Variants in SGPP1 observed in about 807,000 individuals in gnomAD.
SGPP1 encodes hSPP1.
Under a neutral mutation model 33.0 loss-of-function variants are expected in SGPP1, and 21 were observed. That is an observed-to-expected ratio of 0.64 (90% CI 0.45 to 0.92). The LOEUF (loss-of-function observed/expected upper bound fraction) is 0.92. Among genes scored for constraint, SGPP1 ranks in the 40% least tolerant of loss-of-function variants. SGPP1 has a pLI of 0.00. For missense variants in SGPP1, 543 were observed against 589.4 expected, an observed-to-expected ratio of 0.92 and a Z score of 0.81; for synonymous variants, 239 against 241.2, an observed-to-expected ratio of 0.99 and a Z score of 0.08.
At position 63,727,453 on chromosome 14, in the gene SGPP1, C is replaced by T; in HGVS notation, c.492G>A (p.Val164=). The T allele has an allele frequency of 1.9e-6, 3 of 1,614,032 alleles. No homozygotes were observed. Among genetic ancestry groups the T allele is most frequent in the Non-Finnish European group, 2.5e-6 (3 of 1,180,042 alleles). ...NLDPLVGRRL[V]VIWVLVMYLG... ...GGTACATGACCAGCACCCAGATGAC[C>T]ACGAGCCTCCGGCCCACCAGAGGGT... is the stretch of plus-strand genomic sequence containing the variant. The change falls in exon 1 of 3, where the codon GTG becomes GTA. Residue 164 remains valine, a synonymous_variant. Transcript: ENST00000247225.
intron 2 of SGPP1, among the ~76,000 whole-genome samples, chr14:63,693,113 T>A (rs1885119190): frequency 6.6e-6 from 1 of 152,188 alleles, no homozygotes; most frequent in South Asian, 2.1e-4. Context: ...TATTTTTTTT[T>A]ATAAAGACAG....
In SGPP1 at chr14:63,701,761, A is replaced by G. The variant is rs551996591; in HGVS notation, c.685-3103T>C. On this transcript the variant is annotated intron_variant, in intron 1 of 2. Transcript: ENST00000247225. ...AGTAAAGCTGCTATGTAGAGATTAA[A>G]TTTTAAGAGAGTAAGGCAAAAACAG... 3.3e-5 allele frequency among the ~76,000 whole-genome samples: 5 copies of G among 152,266 alleles called. No individual in the cohort carries two copies. In the South Asian group the frequency reaches 6.2e-4, roughly 19 times the overall value.
chr14:63,705,090 G>A (rs1182647350), intron 1 of SGPP1, among the ~76,000 whole-genome samples: 1 of 151,696 alleles, frequency 6.6e-6, no homozygotes, highest in African/African-American at 2.4e-5. Flanking sequence ...TCGTGCCATT[G>A]CACTCCTGCG....
chr14:63,700,733 C>T (rs898872606), intron 1 of SGPP1, among the ~76,000 whole-genome samples: 1 of 152,090 alleles, frequency 6.6e-6, no homozygotes, highest in Non-Finnish European at 1.5e-5. Context: ...ATTAATATTC[C>T]TTGTGCTCCT....
At chr14:63,716,626 GAGGCTCTTGGGTTTA>G (rs1885632998) in intron 1 of SGPP1, among the ~76,000 whole-genome samples, 1 of 151,984 alleles carries the variant, frequency 6.6e-6, no homozygotes, top group Non-Finnish European at 1.5e-5. Context: ...CCAAGAGTTC[GAGGCTCTTGGGTTTA>G]AGATCTCACA....
At chr14:63,702,105 A>AGGTGAAGGTAGGAC in intron 1 of SGPP1, among the ~76,000 whole-genome samples, 2 of 152,214 alleles carry the variant, frequency 1.3e-5, no homozygotes, top group Admixed American at 1.3e-4. Flanking sequence ...CAGAAGCTAG[A>AGGTGAAGGTAGGAC]GGTGAAGGTA....
At chr14:63,721,740 ATTC>A (rs1885774955) in intron 1 of SGPP1, among the ~76,000 whole-genome samples, 1 of 152,184 alleles carries the variant, frequency 6.6e-6, no homozygotes, top group South Asian at 2.1e-4. Flanking sequence ...TTGACAGAAT[ATTC>A]TTATGTGTCT....
chr14:63,697,393 A>T (rs1422761939), intron 2 of SGPP1, among the ~76,000 whole-genome samples: 1 of 152,218 alleles, frequency 6.6e-6, no homozygotes, highest in Non-Finnish European at 1.5e-5. Context: ...AAATGGTAAC[A>T]TGTTAAGGAC....
intron 1 of SGPP1, among the ~76,000 whole-genome samples, chr14:63,726,735 C>T (rs1181678216): frequency 6.6e-6 from 1 of 152,188 alleles, no homozygotes; most frequent in Non-Finnish European, 1.5e-5. Context: ...ATAAAGGGAA[C>T]TTCGATGAAA....
intron 1 of SGPP1, among the ~76,000 whole-genome samples, chr14:63,720,841 C>G (rs1159272518): frequency 6.6e-6 from 1 of 152,160 alleles, no homozygotes; most frequent in Non-Finnish European, 1.5e-5. Flanking sequence ...CAAGAGATGT[C>G]TAACACTGAA....
rs1885924403 is a variant in SGPP1 at position 63,727,850 on chromosome 14, G to A, written c.95C>T (p.Pro32Leu). Residue 32 changes from proline to leucine, a missense_variant, in exon 1 of 3, where the codon CCG (proline) becomes CTG (leucine). Physicochemically the swap from Pro to Leu is moderately conservative, Grantham distance 98. Coordinates refer to ENST00000247225, the MANE Select transcript of SGPP1 (RefSeq NM_030791.4). ...RFQRLCGVEA[P>L]PRRSADRRED... ...CCTCCGGTCTGCTGAGCGGCGCGGC[G>A]GCGCTTCCACCCCGCACAGCCGCTG... The A allele has an allele frequency of 6.6e-7, 1 of 1,519,888 alleles. No individual in the cohort carries two copies. The allele number at this position is 1,519,888 out of a possible 1,614,324, so 94.2% of individuals were successfully genotyped here. A position where few individuals can be genotyped will look rare whatever the true frequency, so the allele number is the denominator to read the frequency against.
intron 2 of SGPP1, among the ~76,000 whole-genome samples, chr14:63,695,380 A>G (rs1450949230): frequency 6.6e-6 from 1 of 152,196 alleles, no homozygotes; most frequent in Non-Finnish European, 1.5e-5. Flanking sequence ...TAACTATAAT[A>G]TATTTCAGGT....
intron 2 of SGPP1, among the ~76,000 whole-genome samples, chr14:63,695,348 G>A (rs1428262623): frequency 1.3e-5 from 2 of 152,122 alleles, no homozygotes; most frequent in African/African-American, 2.4e-5. Flanking sequence ...GAGCCACCAC[G>A]CCCAGCCTTT....
In SGPP1 at chr14:63,723,079, CAG is replaced by C. The variant is rs1295888701; in HGVS notation, c.684+4180_684+4181del. 2.0e-5 allele frequency among the ~76,000 whole-genome samples: 3 copies of C among 151,096 alleles called. No homozygotes were observed. The South Asian group carries it at 6.3e-4, about 31-fold the overall frequency. On this transcript the variant is annotated intron_variant, in intron 1 of 2. Coordinates refer to ENST00000247225, the MANE Select transcript of SGPP1 (RefSeq NM_030791.4). ...AAAAATTAAATTAATTCAAGTCAAA[CAG>C]AGCTTTAAAAATTAAGAAATTTTAT... is the stretch of plus-strand genomic sequence containing the variant.
chr14:63,699,002 A>G (rs1885244882), intron 1 of SGPP1, among the ~76,000 whole-genome samples: 1 of 152,204 alleles, frequency 6.6e-6, no homozygotes, highest in Non-Finnish European at 1.5e-5. Flanking sequence ...CCAAAATGAA[A>G]GGGCCTCTGG....
chr14:63,697,388 G>T (rs965303330), intron 2 of SGPP1, among the ~76,000 whole-genome samples: 1 of 152,048 alleles, frequency 6.6e-6, no homozygotes, highest in African/African-American at 2.4e-5. Flanking sequence ...TCTAAAAATG[G>T]TAACATGTTA....
intron 1 of SGPP1, among the ~76,000 whole-genome samples, chr14:63,699,849 C>G (rs537214812): frequency 6.6e-6 from 1 of 152,010 alleles, no homozygotes; most frequent in African/African-American, 2.4e-5. Flanking sequence ...TCCTGGTTCA[C>G]CTTTCACCAT....
intron 2 of SGPP1, among the ~76,000 whole-genome samples, chr14:63,688,923 G>A (rs1338442338): frequency 3.3e-5 from 5 of 151,920 alleles, no homozygotes; most frequent in African/African-American, 9.6e-5. Context: ...GGGTTTCACC[G>A]TGTTAGCCAG....
intron 1 of SGPP1, among the ~76,000 whole-genome samples, chr14:63,718,373 T>G (rs1242043556): frequency 6.6e-6 from 1 of 152,142 alleles, no homozygotes; most frequent in Admixed American, 6.6e-5. Flanking sequence ...TTCAATATAT[T>G]TTTCAAATAA....
Sources: gnomAD v4.1 joint callset for allele counts (sites outside exome capture counted in the v4.1 genomes callset) on GRCh38, gnomAD v4.1.1 for gene constraint, MANE v1.5 for transcripts, NCBI Gene and HGNC (gene_info 2026-07-23, HGNC 2026-07-21) for gene names.